TANC2: variants seen among roughly 807,000 people sequenced by gnomAD.
The protein encoded by TANC2 is tetratricopeptide repeat, ankyrin repeat and coiled-coil containing 2.
A neutral mutation model predicts 210.5 loss-of-function variants in TANC2; 26 were observed. That is an observed-to-expected ratio of 0.12 (90% CI 0.09 to 0.17). The LOEUF is 0.17. Among genes scored for constraint, TANC2 ranks in the 10% least tolerant of loss-of-function variants. TANC2 has a pLI of 1.00. For missense variants in TANC2, 2,129 were observed against 2,608.9 expected, an observed-to-expected ratio of 0.82 and a Z score of 4.01; for synonymous variants, 931 against 967.1, an observed-to-expected ratio of 0.96 and a Z score of 0.69.
At chr17:63,237,974 C>A in exon 8 of TANC2, 1 of 1,585,232 alleles carries the variant, frequency 6.3e-7, no homozygotes, top group Non-Finnish European at 8.6e-7. Flanking sequence ...CTGCTTCCAC[C>A]TATAGTCTGA....
intron 11 of TANC2, among the ~76,000 whole-genome samples, chr17:63,320,010 T>G (rs1034406079): frequency 1.3e-5 from 2 of 152,230 alleles, no homozygotes; most frequent in African/African-American, 4.8e-5. Context: ...ATGGGAATTA[T>G]AGTTGTTTCA....
At chr17:63,113,708 T>G (rs1354646384) in intron 4 of TANC2, among the ~76,000 whole-genome samples, 1 of 152,116 alleles carries the variant, frequency 6.6e-6, no homozygotes, top group African/African-American at 2.4e-5. Flanking sequence ...GGGGTCTTGC[T>G]ATGTTGCCCA....
chr17:63,134,719 G>T lies in TANC2; in HGVS notation c.323-16551G>T, dbSNP rs77170612. On this transcript the variant is annotated intron_variant, in intron 4 of 27. Coordinates refer to ENST00000689528, the Ensembl canonical transcript of TANC2. ...CCAAGCTTGGAAAAGTTAAATAATT[G>T]GTTGAAGACTACATGATAGGCTGTG... Among the ~76,000 whole-genome samples the T allele has an allele frequency of 8.4e-3, 1,285 of 152,224 alleles. 15 individuals are homozygous for T. The highest frequency in any genetic ancestry group is 0.028 in the African/African-American group (1,176 of 41,522).
chr17:62,991,437 G>A (rs1321794219), intron 1 of TANC2, among the ~76,000 whole-genome samples: 1 of 152,094 alleles, frequency 6.6e-6, no homozygotes, highest in Non-Finnish European at 1.5e-5. Flanking sequence ...AGGAGATCGA[G>A]ACCATCATGG....
rs114022634 is a variant in TANC2, at chr17:63,400,623, G to A, written c.3331+1709G>A. 8.1e-3 allele frequency among the ~76,000 whole-genome samples: 1,238 copies of A among 151,910 alleles called. 13 individuals carry two copies. The highest frequency in any genetic ancestry group is 0.027 in the African/African-American group (1,128 of 41,468). On this transcript the variant is annotated intron_variant, in intron 19 of 27. Transcript: ENST00000689528. Reference sequence around the variant, plus strand: ...AGCTACTTAAACATGAGTTAAGATGGAATTTATTTGTAATATGATTTTTTT... The same window carrying A: ...AGCTACTTAAACATGAGTTAAGATGAAATTTATTTGTAATATGATTTTTTT...
At chr17:63,052,088 G>A (rs778530570) in intron 2 of TANC2, among the ~76,000 whole-genome samples, 9 of 152,134 alleles carry the variant, frequency 5.9e-5, no homozygotes, top group Non-Finnish European at 1.3e-4. Flanking sequence ...GAAAGTCTAT[G>A]TAGGAAGAGG....
At chr17:63,328,203 G>A (rs1294075436) in intron 11 of TANC2, among the ~76,000 whole-genome samples, 1 of 152,194 alleles carries the variant, frequency 6.6e-6, no homozygotes, top group East Asian at 1.9e-4. Flanking sequence ...TGGAAAGTAG[G>A]AGGAAGGTGA....
In TANC2 at chr17:63,398,513, G is replaced by C. The variant is rs538345659; in HGVS notation, c.3238-308G>C. On this transcript the variant is annotated intron_variant, in intron 18 of 27. Coordinates refer to ENST00000689528, the Ensembl canonical transcript of TANC2. Reference sequence around the variant, plus strand: ...CAGTTTTCTCGTATTTATTTTCTATGGCTTTTTTATAGGGAGGAGGAAGGA... The same window carrying C: ...CAGTTTTCTCGTATTTATTTTCTATCGCTTTTTTATAGGGAGGAGGAAGGA... Among the ~76,000 whole-genome samples the C allele has an allele frequency of 2.0e-5, 3 of 151,648 alleles. No homozygotes were observed. In the South Asian group the frequency reaches 6.3e-4, roughly 32 times the overall value.
chr17:63,221,922 A>G (rs1251821596), intron 7 of TANC2, among the ~76,000 whole-genome samples: 2 of 152,236 alleles, frequency 1.3e-5, no homozygotes, highest in Non-Finnish European at 2.9e-5. Flanking sequence ...CAAGAAAATC[A>G]TATGTCTACG....
At chr17:63,317,957 A>G (rs777221231) in intron 10 of TANC2, among the ~76,000 whole-genome samples, 4 of 152,234 alleles carry the variant, frequency 2.6e-5, no homozygotes, top group East Asian at 1.9e-4. Context: ...ACAGTAACAT[A>G]CAATCACTGA....
chr17:63,297,851 C>A (rs531438268), intron 9 of TANC2, among the ~76,000 whole-genome samples: 2 of 151,784 alleles, frequency 1.3e-5, no homozygotes, highest in Admixed American at 1.3e-4. Flanking sequence ...TAAAAAAACT[C>A]CTACAAGTCA....
chr17:63,401,969 T>C (rs1158583702), intron 19 of TANC2, among the ~76,000 whole-genome samples: 2 of 152,364 alleles, frequency 1.3e-5, no homozygotes, highest in South Asian at 2.1e-4. Flanking sequence ...CCTTTTGTGA[T>C]ACATCTCTCA....
intron 15 of TANC2, among the ~76,000 whole-genome samples, chr17:63,386,236 A>G (rs548926209): frequency 6.6e-6 from 1 of 152,342 alleles, no homozygotes; most frequent in Admixed American, 6.5e-5. Flanking sequence ...AGCCAGTAAC[A>G]GTGTATGGAC....
At chr17:63,216,816 A>G (rs1240153782) in intron 7 of TANC2, among the ~76,000 whole-genome samples, 1 of 152,242 alleles carries the variant, frequency 6.6e-6, no homozygotes, top group Non-Finnish European at 1.5e-5. Context: ...TCACCAAGAC[A>G]TACCATATTC....
chr17:63,155,381 A>G (rs2039801352), intron 5 of TANC2, among the ~76,000 whole-genome samples: 1 of 152,106 alleles, frequency 6.6e-6, no homozygotes, highest in South Asian at 2.1e-4. Flanking sequence ...GCATTTTCTA[A>G]AATTTCTACA....
intron 1 of TANC2, among the ~76,000 whole-genome samples, chr17:62,994,785 T>G (rs1022676125): frequency 2.6e-5 from 4 of 152,198 alleles, no homozygotes; most frequent in Non-Finnish European, 4.4e-5. Context: ...GATGATTAAT[T>G]TCACCTTTAT....
intron 1 of TANC2, among the ~76,000 whole-genome samples, chr17:63,008,552 C>CT (rs1246334975): frequency 6.6e-6 from 1 of 151,968 alleles, no homozygotes. Flanking sequence ...AAGAGTGGGA[C>CT]TTTCTTTTTG....
At chr17:63,382,845 A>G (rs928681637) in intron 15 of TANC2, among the ~76,000 whole-genome samples, 18 of 152,154 alleles carry the variant, frequency 1.2e-4, no homozygotes, top group Admixed American at 6.5e-4. Context: ...TTTTAATGCT[A>G]TAAGATTCTA....
intron 13 of TANC2, among the ~76,000 whole-genome samples, chr17:63,352,426 T>A (rs935947339): frequency 3.9e-5 from 6 of 152,136 alleles, no homozygotes; most frequent in Non-Finnish European, 8.8e-5. Flanking sequence ...CTCAAAGTAG[T>A]TTGAGCTAAA....
Sources: allele counts gnomAD v4.1 joint callset (sites outside exome capture counted in the v4.1 genomes callset), GRCh38; gene constraint gnomAD v4.1.1; transcripts MANE v1.5; gene names NCBI Gene and HGNC (gene_info 2026-07-23, HGNC 2026-07-21).